CTBP2: variants seen among roughly 807,000 people sequenced by gnomAD.
The protein encoded by CTBP2 is C-terminal binding protein 2, also known as C-terminal-binding protein 2.
In CTBP2, 30 loss-of-function variants were observed where a neutral mutation model predicts 80.3. The ratio of observed to expected loss-of-function variants is 0.37; its 90% confidence interval spans 0.28 to 0.51. The LOEUF (loss-of-function observed/expected upper bound fraction) is 0.51, where lower values mean the gene tolerates loss of function less well. Ranked by LOEUF, CTBP2 falls within the 20% of genes least tolerant of loss-of-function variation. CTBP2 has a pLI of 0.93. For synonymous variants in CTBP2, 594 were observed against 587.4 expected, an observed-to-expected ratio of 1.01 and a Z score of -0.16; for missense variants, 1,212 against 1,375.3, an observed-to-expected ratio of 0.88 and a Z score of 1.88.
At chr10:125,119,657 G>A (rs375376247) in intron 1 of CTBP2, among the ~76,000 whole-genome samples, 1 of 152,188 alleles carries the variant, frequency 6.6e-6, no homozygotes, top group African/African-American at 2.4e-5. Flanking sequence ...ATACGTATAT[G>A]CATAAGAGAC....
intron 2 of CTBP2, among the ~76,000 whole-genome samples, chr10:125,040,603 C>CACAT (rs1212717504): frequency 6.8e-5 from 10 of 146,906 alleles, no homozygotes; most frequent in Admixed American, 6.1e-4. Context: ...ACCACATACA[C>CACAT]ACACACACAC....
Position 125,034,404 on chromosome 10 carries a change from A to G in CTBP2, c.58+4593T>C, listed in dbSNP as rs574792152. The stretch of plus-strand genomic sequence containing the variant: ...GTTTCCTGAACCTTTACCTTTGCAT[A>G]AGATTGTTTGGGTATGTTCATTTGT... On this transcript the variant is annotated intron_variant, in intron 3 of 10. Transcript: ENST00000337195. 2.6e-5 allele frequency among the ~76,000 whole-genome samples: 4 copies of G among 152,300 alleles called. No individual in the cohort carries two copies. The South Asian group carries it at 8.3e-4, about 32-fold the overall frequency.
intron 1 of CTBP2, among the ~76,000 whole-genome samples, chr10:125,121,464 T>C (rs889373695): frequency 5.9e-5 from 9 of 152,182 alleles, no homozygotes; most frequent in African/African-American, 2.2e-4. Context: ...CAATTGAAAA[T>C]GAAGAGTATC....
At chr10:125,063,457 C>T (rs746896169) in intron 2 of CTBP2, among the ~76,000 whole-genome samples, 1 of 152,170 alleles carries the variant, frequency 6.6e-6, no homozygotes, top group Non-Finnish European at 1.5e-5. Context: ...CAGGATAACA[C>T]CCAAACACGT....
At chr10:125,023,385 C>T (rs1017655109) in intron 1 of CTBP2, among the ~76,000 whole-genome samples, 1 of 152,196 alleles carries the variant, frequency 6.6e-6, no homozygotes, top group Non-Finnish European at 1.5e-5. Flanking sequence ...TGAAAATGGC[C>T]GCAGCCCCAT....
intron 2 of CTBP2, among the ~76,000 whole-genome samples, chr10:125,098,708 CAGAGAGAG>C (rs1850045599): frequency 1.4e-3 from 91 of 65,634 alleles, no homozygotes; most frequent in Admixed American, 2.3e-3. Context: ...GAGAGAGAGA[CAGAGAGAG>C]AGAGAGACAG....
intron 1 of CTBP2, among the ~76,000 whole-genome samples, chr10:125,131,043 CA>C (rs1856092891): frequency 6.6e-6 from 1 of 152,100 alleles, no homozygotes; most frequent in Non-Finnish European, 1.5e-5. Flanking sequence ...GGCGGGGAGG[CA>C]GAGGGAGACG....
chr10:125,117,983 G>A (rs138747516), intron 1 of CTBP2, among the ~76,000 whole-genome samples: 15 of 152,242 alleles, frequency 9.9e-5, no homozygotes, highest in African/African-American at 2.9e-4. Context: ...GAGTGTTTAT[G>A]GAAATTTTAC....
At chr10:125,004,087 A>G (rs938565671) in intron 1 of CTBP2, among the ~76,000 whole-genome samples, 11 of 152,224 alleles carry the variant, frequency 7.2e-5, no homozygotes, top group African/African-American at 2.7e-4. Flanking sequence ...CAGAGCCATC[A>G]TATTAATCCT....
intron 2 of CTBP2, among the ~76,000 whole-genome samples, chr10:125,047,399 C>A (rs1961530835): frequency 6.6e-6 from 1 of 152,218 alleles, no homozygotes; most frequent in South Asian, 2.1e-4. Context: ...GAAAACTCAT[C>A]TTTTGTTACA....
chr10:125,103,616 C>T (rs541920763), intron 2 of CTBP2, among the ~76,000 whole-genome samples: 48 of 152,268 alleles, frequency 3.2e-4, no homozygotes, highest in African/African-American at 1.0e-3. Flanking sequence ...GAGGTACAGA[C>T]GCTTCTGCGA....
At chr10:125,088,289 T>C (rs1848290693) in intron 2 of CTBP2, 1 of 152,298 alleles carries the variant, frequency 6.6e-6, no homozygotes, top group Non-Finnish European at 1.5e-5. Context: ...GGAAGGAAGT[T>C]GGCAAGGGGC....
At chr10:125,035,410 G>T (rs1275307929) in intron 3 of CTBP2, among the ~76,000 whole-genome samples, 3 of 152,138 alleles carry the variant, frequency 2.0e-5, no homozygotes, top group Non-Finnish European at 4.4e-5. Context: ...GTTACAAGGG[G>T]ACTACTCACA....
At chr10:125,031,773 G>A (rs1358923553), upstream of CTBP2, among the ~76,000 whole-genome samples, 1 of 152,218 alleles carries the variant, frequency 6.6e-6, no homozygotes, top group Non-Finnish European at 1.5e-5. Context: ...TGCACACTGA[G>A]TGCTCTCACC....
chr10:125,028,126 G>A (rs1179461927), upstream of CTBP2: 1 of 202,062 alleles, frequency 4.9e-6, no homozygotes, highest in Admixed American at 5.3e-5. Context: ...AAACCCTAAA[G>A]CTTTGTTCCA....
At chr10:125,144,070 C>G (rs1858311940) in intron 1 of CTBP2, among the ~76,000 whole-genome samples, 1 of 152,300 alleles carries the variant, frequency 6.6e-6, no homozygotes, top group South Asian at 2.1e-4. Flanking sequence ...GCTCAAGACC[C>G]CAGTTACAAA....
intron 2 of CTBP2, among the ~76,000 whole-genome samples, chr10:125,071,937 C>G (rs986233228): frequency 6.6e-6 from 1 of 152,142 alleles, no homozygotes; most frequent in Admixed American, 6.5e-5. Context: ...CCGCAGGGTA[C>G]TTGGTGGAAG....
intron 1 of CTBP2, among the ~76,000 whole-genome samples, chr10:125,157,660 C>T (rs980197112): frequency 1.3e-5 from 2 of 152,060 alleles, no homozygotes; most frequent in Non-Finnish European, 2.9e-5. Context: ...GAGGGGGTGA[C>T]CCAACATCAA....
chr10:125,007,676 C>T (rs1955416748), intron 1 of CTBP2, among the ~76,000 whole-genome samples: 1 of 152,178 alleles, frequency 6.6e-6, no homozygotes, highest in Admixed American at 6.5e-5. Context: ...CCTGAGCAGT[C>T]ACCAAGAAGG....
Sources: gnomAD v4.1 joint callset for allele counts (sites outside exome capture counted in the v4.1 genomes callset) on GRCh38, gnomAD v4.1.1 for gene constraint, MANE v1.5 for transcripts, NCBI Gene and HGNC (gene_info 2026-07-23, HGNC 2026-07-21) for gene names.